PAH: variants seen among roughly 807,000 people sequenced by gnomAD.
PAH encodes phenylalanine hydroxylase, also known as phenylalanine-4-hydroxylase.
In PAH, 64 loss-of-function variants were observed where a neutral mutation model predicts 62.0. The ratio of observed to expected loss-of-function variants is 1.03; its 90% CI spans 0.84 to 1.27. The LOEUF (loss-of-function observed/expected upper bound fraction) is 1.27, where lower values mean the gene tolerates loss of function less well. Among genes scored for constraint, PAH ranks in the 50% most tolerant of loss-of-function variants. The pLI is 0.00. For missense variants in PAH, 579 were observed against 542.8 expected (o/e 1.07, Z -0.66); for synonymous variants, 195 against 196.2 (o/e 0.99, Z 0.05).
At position 102,839,126 on chromosome 12, in the gene PAH, A is replaced by G. The variant is rs1203962367; in HGVS notation, c.*49T>C. The G allele has an allele frequency of 5.2e-6, 8 of 1,545,188 alleles. No individual in the cohort carries two copies. The highest frequency in any genetic ancestry group is 7.2e-6 in the Non-Finnish European group (8 of 1,117,704). ...TTTTTCTGATGAAAGAAATAGTTGG[A>G]TCTCCATCAACAGATTCACAGCTGA... On this transcript the variant is annotated 3_prime_UTR_variant, in exon 13 of 13. Transcript: ENST00000553106.
intron 1 of PAH, among the ~76,000 whole-genome samples, chr12:102,927,767 C>T (rs982541391): frequency 3.3e-5 from 5 of 151,996 alleles, no homozygotes; most frequent in East Asian, 1.9e-4. Flanking sequence ...TATGTAGGTA[C>T]GTCAAGAAGC....
upstream of PAH, among the ~76,000 whole-genome samples, chr12:102,919,809 A>G (rs1878509377): frequency 6.6e-6 from 1 of 152,186 alleles, no homozygotes. Context: ...ATAGTACTCC[A>G]TTGTGTATTA....
intron 1 of PAH, among the ~76,000 whole-genome samples, chr12:102,928,424 A>G (rs1319638275): frequency 6.6e-6 from 1 of 152,180 alleles, no homozygotes; most frequent in Non-Finnish European, 1.5e-5. Flanking sequence ...CTGGGATAGA[A>G]AGCAAAATAT....
At chr12:102,939,470 C>T (rs1879217298) in intron 1 of PAH, among the ~76,000 whole-genome samples, 1 of 152,164 alleles carries the variant, frequency 6.6e-6, no homozygotes, top group African/African-American at 2.4e-5. Context: ...TGTGTTTCTC[C>T]AGGGCAGAGC....
At chr12:102,844,732 C>G (rs1160653387) in intron 9 of PAH, among the ~76,000 whole-genome samples, 2 of 152,164 alleles carry the variant, frequency 1.3e-5, no homozygotes, top group Non-Finnish European at 2.9e-5. Context: ...TTCTCCTACC[C>G]TTAGACATCA....
upstream of PAH, among the ~76,000 whole-genome samples, chr12:102,921,903 A>AT (rs1878559324): frequency 6.6e-6 from 1 of 151,776 alleles, no homozygotes; most frequent in Non-Finnish European, 1.5e-5. Flanking sequence ...CTGTATTTTT[A>AT]TTTTTTTGCT....
chr12:102,847,100 C>A, intron 8 of PAH, 149 bp from the exon 9 acceptor site: 1 of 695,918 alleles, frequency 1.4e-6, no homozygotes, highest in Non-Finnish European at 2.6e-6. Context: ...GTCTTTCCTG[C>A]CCATATGTTA....
intron 2 of PAH, among the ~76,000 whole-genome samples, chr12:102,902,578 C>T (rs1877805330): frequency 6.6e-6 from 1 of 152,206 alleles, no homozygotes; most frequent in Non-Finnish European, 1.5e-5. Flanking sequence ...TCACTGATTT[C>T]CTCTTCTGGG....
chr12:102,886,861 AC>A (rs1877062685), intron 3 of PAH, among the ~76,000 whole-genome samples: 2 of 152,130 alleles, frequency 1.3e-5, no homozygotes, highest in African/African-American at 4.8e-5. Flanking sequence ...CATGTGGCTG[AC>A]ACCGAGTGGG....
chr12:102,912,671 T>G, intron 2 of PAH, 120 bp downstream of exon 2: 37 of 755,726 alleles, frequency 4.9e-5, no homozygotes, highest in Non-Finnish European at 5.9e-5. Context: ...TGTAAAAACT[T>G]GAGCTCAAAT....
intron 9 of PAH, 138 bp downstream of exon 9, chr12:102,846,757 C>T: frequency 1.4e-6 from 1 of 715,884 alleles, no homozygotes; most frequent in Non-Finnish European, 2.5e-6. Flanking sequence ...TGAAGTTTCA[C>T]TTGTGCAAAT....
Position 102,933,955 on chromosome 12 carries a change from C to T in PAH, c.-96+16634G>A, listed in dbSNP as rs532911155. 3.3e-5 allele frequency among the ~76,000 whole-genome samples: 5 copies of T among 151,872 alleles called. No individual in the cohort carries two copies. In the East Asian group the frequency reaches 5.8e-4, roughly 18 times the overall value. On this transcript the variant is annotated intron_variant, in intron 1 of 3. Coordinates refer to the PAH transcript ENST00000546844. ...AAGCATTTTTAACTTGATGTGATCC[C>T]GTTTGTTCATTTTTTGCTTTGGTTG...
chr12:102,845,623 G>T (rs1253202987), intron 9 of PAH, among the ~76,000 whole-genome samples: 4 of 152,180 alleles, frequency 2.6e-5, no homozygotes, highest in Non-Finnish European at 5.9e-5. Context: ...TTAGCTGCTG[G>T]AGACAGTCAC....
At chr12:102,905,105 T>C (rs1286053328) in intron 2 of PAH, among the ~76,000 whole-genome samples, 1 of 152,204 alleles carries the variant, frequency 6.6e-6, no homozygotes, top group Admixed American at 6.5e-5. Context: ...GAGCATCTTC[T>C]GTGGCCTCAG....
chr12:102,889,402 C>CATAG (rs10526127), intron 3 of PAH, among the ~76,000 whole-genome samples: 14,715 of 147,926 alleles, frequency 0.099, 762 homozygotes, highest in East Asian at 0.14. Flanking sequence ...TCCCAGACAA[C>CATAG]ATAGATAGAT....
upstream of PAH, among the ~76,000 whole-genome samples, chr12:102,952,679 T>C (rs541119610): frequency 8.5e-5 from 13 of 152,306 alleles, no homozygotes; most frequent in African/African-American, 3.1e-4. Context: ...TGGCTGCAAA[T>C]TACCTCCTCA....
chr12:102,853,027 G>A, intron 6 of PAH, 77 bp from the exon 7 acceptor site: 1 of 1,512,520 alleles, frequency 6.6e-7, no homozygotes, highest in Non-Finnish European at 9.1e-7. Context: ...TTAGGTAGTG[G>A]AGTAGTACAC....
intron 1 of PAH, among the ~76,000 whole-genome samples, chr12:102,937,674 C>T (rs994250693): frequency 3.9e-5 from 6 of 151,956 alleles, no homozygotes; most frequent in South Asian, 2.1e-4. Flanking sequence ...CTCATCTTTT[C>T]GTCATTCTAC....
At chr12:102,855,367 G>A in intron 5 of PAH, 35 bp from the exon 6 acceptor site, 1 of 1,587,502 alleles carries the variant, frequency 6.3e-7, no homozygotes, top group Non-Finnish European at 8.6e-7. Context: ...GTCTCAAGCA[G>A]GGCAGGGGCA....
Sources: gnomAD v4.1 joint callset for allele counts (sites outside exome capture counted in the v4.1 genomes callset) on GRCh38, gnomAD v4.1.1 for gene constraint, MANE v1.5 for transcripts, NCBI Gene and HGNC (gene_info 2026-07-23, HGNC 2026-07-21) for gene names.